Variants in SNX29 observed in about 807,000 individuals in gnomAD.
The protein encoded by SNX29 is sorting nexin 29, also known as sorting nexin-29.
SNX29 carries 78 observed loss-of-function variants against 102.1 expected under a neutral mutation model. The observed-to-expected ratio is 0.76, with a 90% CI of 0.64 to 0.92. The LOEUF is 0.92. SNX29 is among the 40% of genes least tolerant of loss of function. The probability of loss-of-function intolerance (pLI) is 0.00; values close to 1 mark genes in which losing one functional copy is unlikely to be tolerated. For missense variants in SNX29, 1,280 were observed against 1,061.7 expected, an observed-to-expected ratio of 1.21 and a Z score of -2.86; for synonymous variants, 580 against 414.5, an observed-to-expected ratio of 1.40 and a Z score of -4.85.
At chr16:12,288,455 C>G (rs1318388951) in intron 15 of SNX29, among the ~76,000 whole-genome samples, 1 of 152,118 alleles carries the variant, frequency 6.6e-6, no homozygotes, top group African/African-American at 2.4e-5. Flanking sequence ...GCGGGGTCAC[C>G]CTGCTCTGCA....
At position 12,205,424 on chromosome 16, in the gene SNX29, G is replaced by C. The variant is rs538196269; in HGVS notation, c.1678+5741G>C. Among the ~76,000 whole-genome samples, 3 of 152,272 alleles carry C rather than the reference G, an allele frequency of 2.0e-5. No homozygotes were observed. In the South Asian group the frequency reaches 6.2e-4, roughly 32 times the overall value. On this transcript the variant is annotated intron_variant, in intron 14 of 20. Coordinates refer to ENST00000566228, the MANE Select transcript of SNX29 (RefSeq NM_032167.5). ...CATGGTTTTCCAGTCCTGACTTTTT[G>C]ATGATGGCCTTCAGTGCTTGTGATC...
chr16:12,393,179 A>G (rs549437342), intron 16 of SNX29, among the ~76,000 whole-genome samples: 10 of 152,332 alleles, frequency 6.6e-5, no homozygotes, highest in Non-Finnish European at 1.2e-4. Context: ...TGCTGCCTCC[A>G]TAGGATCTTC....
chr16:12,139,028 C>T (rs1055311732), intron 13 of SNX29, among the ~76,000 whole-genome samples: 4 of 151,834 alleles, frequency 2.6e-5, no homozygotes, highest in African/African-American at 9.7e-5. Flanking sequence ...CTGGTGAAAC[C>T]TTGTCTCTAC....
intron 19 of SNX29, among the ~76,000 whole-genome samples, chr16:12,514,926 A>AAGAG (rs2089797634): frequency 6.7e-6 from 1 of 150,324 alleles, no homozygotes; most frequent in African/African-American, 2.5e-5. Flanking sequence ...GAGAGAAAGA[A>AAGAG]AGAAAGAAAG....
intron 13 of SNX29, among the ~76,000 whole-genome samples, chr16:12,173,662 A>G (rs2076199515): frequency 6.6e-6 from 1 of 152,168 alleles, no homozygotes; most frequent in South Asian, 2.1e-4. Flanking sequence ...AGCCAATGCT[A>G]ATGTTTGGGA....
intron 14 of SNX29, among the ~76,000 whole-genome samples, chr16:12,242,569 T>TTCTTCTTCTTTTCTTCTTC (rs1555496183): frequency 3.3e-5 from 5 of 151,440 alleles, no homozygotes; most frequent in Non-Finnish European, 5.9e-5. Flanking sequence ...GCCGGCTCTT[T>TTCTTCTTCTTTTCTTCTTC]TCTTCTTCTT....
Position 12,572,184 on chromosome 16 carries a change from C to T in SNX29, c.*3555C>T, listed in dbSNP as rs1044696366. ...TTGATAACCATGTAATTTCTTAGAA[C>T]CATGGCAGGTAGTATTGTGCTTTAA... On this transcript the variant is annotated 3_prime_UTR_variant, in exon 21 of 21. Transcript: ENST00000566228. 1 of 964,602 alleles carries T rather than the reference C, an allele frequency of 1.0e-6. No individual in the cohort carries two copies. Among genetic ancestry groups the T allele is most frequent in the African/African-American group, 1.7e-5 (1 of 59,028 alleles). 59.8% of individuals were successfully genotyped at this position (964,602 alleles called of 1,614,324 possible).
At chr16:12,079,263 TGAA>T (rs1186028863) in intron 11 of SNX29, among the ~76,000 whole-genome samples, 4 of 152,232 alleles carry the variant, frequency 2.6e-5, no homozygotes, top group Non-Finnish European at 4.4e-5. Flanking sequence ...TTTTTGTAAG[TGAA>T]GAAGAATATG....
intron 13 of SNX29, among the ~76,000 whole-genome samples, chr16:12,197,223 T>C (rs2076798496): frequency 2.0e-5 from 3 of 152,120 alleles, no homozygotes; most frequent in Admixed American, 2.0e-4. Context: ...CATGTGAAGA[T>C]TGGGAGTAGG....
intron 9 of SNX29, among the ~76,000 whole-genome samples, chr16:12,062,038 C>T (rs1263977837): frequency 6.6e-6 from 1 of 152,158 alleles, no homozygotes; most frequent in East Asian, 1.9e-4. Flanking sequence ...AAGGCCCTGC[C>T]ACCCTGTGCA....
intron 20 of SNX29, among the ~76,000 whole-genome samples, chr16:12,549,079 G>T (rs2561037): frequency 6.6e-6 from 1 of 152,026 alleles, no homozygotes; most frequent in Non-Finnish European, 1.5e-5. Context: ...CATAGTGTTC[G>T]GCTCCCTGTT....
intron 10 of SNX29, among the ~76,000 whole-genome samples, chr16:12,074,510 T>C (rs1052063042): frequency 3.3e-5 from 5 of 152,262 alleles, no homozygotes; most frequent in African/African-American, 1.2e-4. Flanking sequence ...TCTTCTGGCT[T>C]GTAAAGTTTC....
chr16:12,454,764 G>C (rs191228737), intron 18 of SNX29, among the ~76,000 whole-genome samples: 344 of 151,968 alleles, frequency 2.3e-3, no homozygotes, highest in African/African-American at 8.1e-3. Flanking sequence ...CTGTCACCCA[G>C]GCTGGAGTGC....
chr16:12,116,609 G>T (rs990084130), intron 11 of SNX29, among the ~76,000 whole-genome samples: 4 of 152,330 alleles, frequency 2.6e-5, no homozygotes, highest in Middle Eastern at 3.4e-3. Context: ...GGGAGGCAGA[G>T]GTTGCAGTGA....
intron 18 of SNX29, among the ~76,000 whole-genome samples, chr16:12,412,681 G>A (rs1373284914): frequency 1.3e-5 from 2 of 152,192 alleles, no homozygotes; most frequent in Admixed American, 1.3e-4. Context: ...ATGTGTTTTT[G>A]TGTGTGTTTT....
intron 11 of SNX29, among the ~76,000 whole-genome samples, chr16:12,125,527 A>G (rs981113768): frequency 9.4e-5 from 14 of 148,812 alleles, no homozygotes; most frequent in Admixed American, 2.0e-4. Context: ...GTCGGCATCC[A>G]TCGTCCTCTG....
At chr16:12,499,079 C>T (rs1043211084) in intron 19 of SNX29, among the ~76,000 whole-genome samples, 1 of 152,152 alleles carries the variant, frequency 6.6e-6, no homozygotes, top group African/African-American at 2.4e-5. Flanking sequence ...TTCATTCCTT[C>T]CCCTTATGCC....
chr16:12,464,501 T>A lies in SNX29; in HGVS notation c.2038-13218T>A, dbSNP rs567173664. Reference sequence around the variant, plus strand: ...AGGGTCTCAGCTCTGACACCCAGGCTGGAGTGCAGTGATGCGATCACAGCT... The same window carrying A: ...AGGGTCTCAGCTCTGACACCCAGGCAGGAGTGCAGTGATGCGATCACAGCT... On this transcript the variant is annotated intron_variant, in intron 18 of 20. Transcript: ENST00000566228. 9.0e-4 allele frequency among the ~76,000 whole-genome samples: 137 copies of A among 152,314 alleles called. 1 individual carries two copies. Among genetic ancestry groups the A allele is most frequent in the South Asian group, 4.2e-3 (20 of 4,818 alleles).
At chr16:12,242,938 AT>A (rs1234534306) in intron 14 of SNX29, among the ~76,000 whole-genome samples, 1 of 152,074 alleles carries the variant, frequency 6.6e-6, no homozygotes, top group East Asian at 1.9e-4. Flanking sequence ...GTGGGCCACC[AT>A]ACCCAACCAT....
Sources: allele counts gnomAD v4.1 joint callset (sites outside exome capture counted in the v4.1 genomes callset), GRCh38; gene constraint gnomAD v4.1.1; transcripts MANE v1.5; gene names NCBI Gene and HGNC (gene_info 2026-07-23, HGNC 2026-07-21).